The following ZNF704 variants were observed in gnomAD, a reference collection of about 807,000 sequenced individuals.
ZNF704 encodes the protein zinc finger protein 704.
ZNF704 carries 10 observed loss-of-function variants against 44.7 expected under a neutral mutation model. The observed-to-expected ratio is 0.22, with a 90% confidence interval of 0.14 to 0.38. The LOEUF (loss-of-function observed/expected upper bound fraction) is 0.38. Among genes scored for constraint, ZNF704 ranks in the 10% least tolerant of loss-of-function variants. The pLI, the probability that ZNF704 is intolerant of heterozygous loss-of-function variation, is 1.00. For synonymous variants in ZNF704, 211 were observed against 207.6 expected, an observed-to-expected ratio of 1.02 and a Z score of -0.14; for missense variants, 390 against 545.5, an observed-to-expected ratio of 0.71 and a Z score of 2.84.
intron 6 of ZNF704, among the ~76,000 whole-genome samples, chr8:80,664,273 T>C (rs1585933318): frequency 3.4e-5 from 4 of 117,212 alleles, no homozygotes; most frequent in Admixed American, 2.3e-4. Flanking sequence ...ACATTAGGGA[T>C]TTTTTTTTTT....
intron 2 of ZNF704, among the ~76,000 whole-genome samples, chr8:80,799,480 T>C (rs534535734): frequency 2.2e-4 from 34 of 152,166 alleles, no homozygotes; most frequent in African/African-American, 7.5e-4. Flanking sequence ...GTGCCCAAAA[T>C]AGCCACTGGT....
chr8:80,808,451 A>C (rs1252908051), intron 2 of ZNF704, among the ~76,000 whole-genome samples: 3 of 152,350 alleles, frequency 2.0e-5, no homozygotes, highest in Middle Eastern at 3.4e-3. Flanking sequence ...TTAATTTTCA[A>C]GTTGTAACTT....
intron 2 of ZNF704, among the ~76,000 whole-genome samples, chr8:80,808,175 TACTAA>T (rs1325216812): frequency 2.0e-5 from 3 of 152,208 alleles, no homozygotes; most frequent in Non-Finnish European, 2.9e-5. Flanking sequence ...CAGTTTGACT[TACTAA>T]ACTATTTTAC....
At chr8:80,717,482 A>C (rs1324217583) in intron 2 of ZNF704, among the ~76,000 whole-genome samples, 2 of 152,212 alleles carry the variant, frequency 1.3e-5, no homozygotes, top group Admixed American at 6.5e-5. Context: ...TCAACTACAA[A>C]TGGAAATAGT....
intron 3 of ZNF704, among the ~76,000 whole-genome samples, chr8:80,689,547 T>C (rs1002326698): frequency 6.6e-6 from 1 of 152,186 alleles, no homozygotes; most frequent in East Asian, 1.9e-4. Flanking sequence ...GAGCATAATA[T>C]AAGGCTTGAT....
At chr8:80,883,356 T>A in the ZNF704 span, among the ~76,000 whole-genome samples, 1 of 152,142 alleles carries the variant, frequency 6.6e-6, no homozygotes, top group African/African-American at 2.4e-5. Flanking sequence ...CATTTTAATG[T>A]ATTTAACATT....
rs1160070008 is a variant in ZNF704 at position 80,821,556 on chromosome 8, G to C, written c.39C>G (p.Asp13Glu). The C allele has an allele frequency of 1.2e-6, 2 of 1,613,818 alleles. No individual in the cohort carries two copies. The highest frequency in any genetic ancestry group is 1.3e-5 in the African/African-American group (1 of 74,880). ...FTFQSEDLKRDCGKKMSHQHV... is the reference protein window; with the variant it reads ...FTFQSEDLKRECGKKMSHQHV... The stretch of plus-strand genomic sequence containing the variant: ...GTTGATGAGACATTTTTTTACCACA[G>C]TCACGTTTTAAGTCCTCTGACTGAA... Residue 13 changes from aspartate to glutamate, a missense_variant, in exon 2 of 9, where the codon GAC (aspartate) becomes GAG (glutamate). Transcript: ENST00000327835.
In ZNF704 at chr8:80,724,962, C is replaced by A. The variant is rs150824264; in HGVS notation, c.222-31855G>T. 3.5e-3 allele frequency among the ~76,000 whole-genome samples: 528 copies of A among 152,258 alleles called. 2 individuals carry two copies. Among genetic ancestry groups the A allele is most frequent in the African/African-American group, 0.012 (506 of 41,534 alleles). ...CTCTCCACTGTTTATCATTTAAAGG[C>A]AGATTTCTAAGTGTGGTTTATAAAG... On this transcript the variant is annotated intron_variant, in intron 2 of 8. Transcript: ENST00000327835.
the ZNF704 span, among the ~76,000 whole-genome samples, chr8:80,881,153 C>A: frequency 1.5e-4 from 23 of 152,310 alleles, no homozygotes; most frequent in East Asian, 4.4e-3. Context: ...CCAGCAATTC[C>A]ATTTCTAGTT....
chr8:80,685,897 C>T (rs979920044), intron 4 of ZNF704, among the ~76,000 whole-genome samples: 2 of 152,202 alleles, frequency 1.3e-5, no homozygotes, highest in Admixed American at 6.5e-5. Context: ...AAAGTTTGCA[C>T]TGCAGTCCTC....
chr8:80,669,827 C>A (rs1818251961), intron 5 of ZNF704, among the ~76,000 whole-genome samples: 2 of 152,142 alleles, frequency 1.3e-5, no homozygotes, highest in South Asian at 4.2e-4. Flanking sequence ...TACCACTGCC[C>A]CCCTGGGGTG....
chr8:80,701,167 T>TC (rs35664434), intron 2 of ZNF704, among the ~76,000 whole-genome samples: 26,327 of 151,848 alleles, frequency 0.17, 4,647 homozygotes, highest in African/African-American at 0.45. Context: ...CTCTTTACTG[T>TC]CCACCTCAGG....
chr8:80,838,407 CT>C (rs1334381095), intron 1 of ZNF704, among the ~76,000 whole-genome samples: 2 of 152,134 alleles, frequency 1.3e-5, no homozygotes, highest in Admixed American at 6.5e-5. Flanking sequence ...CAACTGAATC[CT>C]TTCTTTCAGG....
At chr8:80,642,561 T>C (rs1817760699) in intron 8 of ZNF704, among the ~76,000 whole-genome samples, 1 of 152,212 alleles carries the variant, frequency 6.6e-6, no homozygotes, top group Non-Finnish European at 1.5e-5. Context: ...TTAAAACTTA[T>C]GAATCATTTA....
rs954903386 is a variant in ZNF704 at position 80,628,935 on chromosome 8, A to G, written c.*12431T>C. 3.3e-5 allele frequency: 5 copies of G among 152,228 alleles called. No individual in the cohort carries two copies. Among genetic ancestry groups the G allele is most frequent in the East Asian group, 1.9e-4 (1 of 5,206 alleles). 9.4% of individuals were successfully genotyped at this position (152,228 alleles called of 1,614,324 possible). On this transcript the variant is annotated 3_prime_UTR_variant, in exon 9 of 9. Transcript: ENST00000327835. ...TGTCCCCTTGGGAAAGTGCAGTTTA[A>G]CTGGTATGAACATTTAACATTGTAC... is the stretch of plus-strand genomic sequence containing the variant.
chr8:80,784,001 TTC>T lies in ZNF704; in HGVS notation c.221+37371_221+37372del, dbSNP rs369424646. 1.2e-4 allele frequency among the ~76,000 whole-genome samples: 19 copies of T among 152,336 alleles called. No homozygotes were observed. The East Asian group carries it at 3.5e-3, about 28-fold the overall frequency. On this transcript the variant is annotated intron_variant, in intron 2 of 8. Coordinates refer to ENST00000327835, the MANE Select transcript of ZNF704 (RefSeq NM_001033723.3). ...CAGTATGTAGCCTTTTCAGATTGGC[TTC>T]TTTCACTTAGTGGTGTGCATTTAAG...
rs1307836880 is a variant in ZNF704, at chr8:80,629,752, TGAA to T, written c.*11611_*11613del. The T allele has an allele frequency of 6.6e-6, 1 of 152,236 alleles. No individual in the cohort carries two copies. Among genetic ancestry groups the T allele is most frequent in the Admixed American group, 6.5e-5 (1 of 15,280 alleles). 9.4% of individuals were successfully genotyped at this position (152,236 alleles called of 1,614,324 possible). A position where few individuals can be genotyped will look rare whatever the true frequency, so the allele number is the denominator to read the frequency against. On this transcript the variant is annotated 3_prime_UTR_variant, in exon 9 of 9. Coordinates refer to ENST00000327835, the MANE Select transcript of ZNF704 (RefSeq NM_001033723.3). ...CTTTGAAACTATAACTGATACCCCT[TGAA>T]GAATATTTTTTTCTGGGATTGAGAA...
chr8:80,694,572 T>C (rs1375729222), intron 2 of ZNF704, among the ~76,000 whole-genome samples: 1 of 152,200 alleles, frequency 6.6e-6, no homozygotes, highest in Non-Finnish European at 1.5e-5. Context: ...GTCTAATTTG[T>C]AAAAGCAATG....
At chr8:80,809,722 A>C (rs1808052915) in intron 2 of ZNF704, among the ~76,000 whole-genome samples, 1 of 152,228 alleles carries the variant, frequency 6.6e-6, no homozygotes, top group Non-Finnish European at 1.5e-5. Flanking sequence ...CTATGGTTTG[A>C]CTAAGTCTAC....
Sources: gnomAD v4.1 joint callset for allele counts (sites outside exome capture counted in the v4.1 genomes callset) on GRCh38, gnomAD v4.1.1 for gene constraint, MANE v1.5 for transcripts, NCBI Gene and HGNC (gene_info 2026-07-23, HGNC 2026-07-21) for gene names.